FAM24B: variants seen among roughly 807,000 people sequenced by gnomAD.
FAM24B encodes the protein protein FAM24B.
In FAM24B, 3 loss-of-function variants were observed where a neutral mutation model predicts 2.3. That is an observed-to-expected ratio of 1.29 (90% CI 0.59 to 3.32). The LOEUF (loss-of-function observed/expected upper bound fraction) is 3.32, where lower values mean the gene tolerates loss of function less well. FAM24B is among the 30% of genes most tolerant of loss of function. The pLI, the probability that FAM24B is intolerant of heterozygous loss-of-function variation, is 0.03. For missense variants in FAM24B, 98 were observed against 117.2 expected (o/e 0.84, Z 0.76); for synonymous variants, 36 against 46.3 (o/e 0.78, Z 0.90).
At chr10:122,859,575 G>A (rs888643973) in intron 1 of FAM24B, among the ~76,000 whole-genome samples, 6 of 152,296 alleles carry the variant, frequency 3.9e-5, no homozygotes, top group Non-Finnish European at 8.8e-5. Context: ...AAGGTGCAAG[G>A]TTGCCAGGGT....
chr10:122,856,571 GA>G (rs1196879146), intron 1 of FAM24B, among the ~76,000 whole-genome samples: 1 of 152,128 alleles, frequency 6.6e-6, no homozygotes, highest in Non-Finnish European at 1.5e-5. Context: ...TTTGACACTG[GA>G]ACGACCAGAC....
At chr10:122,860,095 G>A (rs1232821899) in intron 1 of FAM24B, among the ~76,000 whole-genome samples, 4 of 151,908 alleles carry the variant, frequency 2.6e-5, no homozygotes, top group African/African-American at 7.3e-5. Context: ...ACAGTAGTAT[G>A]GGTTTTGACA....
intron 1 of FAM24B, among the ~76,000 whole-genome samples, chr10:122,871,976 GA>G (rs1847905056): frequency 6.6e-6 from 1 of 152,102 alleles, no homozygotes; most frequent in Admixed American, 6.5e-5. Flanking sequence ...CACAGCAAAA[GA>G]AACCACCGTC....
At chr10:122,863,847 T>G (rs1321971541) in intron 1 of FAM24B, among the ~76,000 whole-genome samples, 1 of 152,200 alleles carries the variant, frequency 6.6e-6, no homozygotes, top group Non-Finnish European at 1.5e-5. Flanking sequence ...TTAAGATCTA[T>G]GATCTAAAAA....
chr10:122,849,740 C>T (rs1197473084), intron 3 of FAM24B, among the ~76,000 whole-genome samples: 1 of 151,926 alleles, frequency 6.6e-6, no homozygotes, highest in Non-Finnish European at 1.5e-5. Context: ...CTGCATTTGG[C>T]TGTGTCCCAG....
At chr10:122,869,425 C>G (rs1158444424) in intron 1 of FAM24B, among the ~76,000 whole-genome samples, 2 of 152,154 alleles carry the variant, frequency 1.3e-5, no homozygotes, top group African/African-American at 4.8e-5. Flanking sequence ...AACTCTGCAC[C>G]AAGTGGACCT....
chr10:122,856,130 T>C (rs1317765048), intron 1 of FAM24B, among the ~76,000 whole-genome samples: 2 of 152,180 alleles, frequency 1.3e-5, no homozygotes, highest in African/African-American at 4.8e-5. Context: ...ATGCCCCTGC[T>C]GAAGCAGAGA....
intron 1 of FAM24B, among the ~76,000 whole-genome samples, chr10:122,869,504 C>T (rs1276739247): frequency 6.6e-6 from 1 of 152,220 alleles, no homozygotes; most frequent in Non-Finnish European, 1.5e-5. Flanking sequence ...CCACACCACA[C>T]CTATTCCAAA....
intron 1 of FAM24B, among the ~76,000 whole-genome samples, chr10:122,877,633 C>G (rs2133844847): frequency 6.6e-6 from 1 of 152,304 alleles, no homozygotes; most frequent in Non-Finnish European, 1.5e-5. Context: ...TCCTCTCCTC[C>G]TGCCAGCCTG....
chr10:122,855,433 G>A (rs1483672547), intron 2 of FAM24B: 1 of 152,170 alleles, frequency 6.6e-6, no homozygotes, highest in Non-Finnish European at 1.5e-5. Flanking sequence ...GCCTGTCTAG[G>A]TGATCCATGC....
chr10:122,879,104 C>T (rs1014279621), intron 1 of FAM24B, among the ~76,000 whole-genome samples: 5 of 152,168 alleles, frequency 3.3e-5, no homozygotes, highest in African/African-American at 1.2e-4. Context: ...CTCAGGCGAC[C>T]GCTCCATCCA....
chr10:122,866,629 G>A (rs1371789742), intron 1 of FAM24B, among the ~76,000 whole-genome samples: 2 of 151,910 alleles, frequency 1.3e-5, no homozygotes, highest in Non-Finnish European at 2.9e-5. Flanking sequence ...TATATGTTAT[G>A]GTGATCTGTG....
chr10:122,860,013 C>A (rs1432838741), intron 1 of FAM24B, among the ~76,000 whole-genome samples: 1 of 152,096 alleles, frequency 6.6e-6, no homozygotes, highest in Non-Finnish European at 1.5e-5. Context: ...CTGGCACAGC[C>A]CCTTCCACCA....
At chr10:122,867,340 GCCTCTGTAGGCTCCA>G (rs1847818837) in intron 1 of FAM24B, among the ~76,000 whole-genome samples, 1 of 152,220 alleles carries the variant, frequency 6.6e-6, no homozygotes, top group Non-Finnish European at 1.5e-5. Flanking sequence ...AGGCCTGCCT[GCCTCTGTAGGCTCCA>G]CCTCTGGGGG....
chr10:122,860,397 C>T (rs1252546812), intron 1 of FAM24B, among the ~76,000 whole-genome samples: 3 of 152,120 alleles, frequency 2.0e-5, no homozygotes, highest in African/African-American at 7.2e-5. Flanking sequence ...TTGACTGGAC[C>T]ACAGTTTATC....
At position 122,849,237 on chromosome 10, in the gene FAM24B, C is replaced by A; in HGVS notation, c.*10G>T. On this transcript the variant is annotated 3_prime_UTR_variant, in exon 4 of 4. Coordinates refer to ENST00000368898, the MANE Select transcript of FAM24B (RefSeq NM_152644.3). ...TGCTCATGAAGATTTTTGTGCCCAC[C>A]TTTCCTAACTCAGAGGCCCTCATTT... 6.5e-7 allele frequency: 1 copy of A among 1,527,740 alleles called. No individual in the cohort carries two copies. Among genetic ancestry groups the A allele is most frequent in the Non-Finnish European group, 8.8e-7 (1 of 1,133,436 alleles). The allele number at this position is 1,527,740 out of a possible 1,614,324, so 94.6% of individuals were successfully genotyped here.
chr10:122,865,076 T>C (rs1177323894), intron 1 of FAM24B, among the ~76,000 whole-genome samples: 2 of 152,206 alleles, frequency 1.3e-5, no homozygotes, highest in African/African-American at 2.4e-5. Flanking sequence ...GCTGGATAAA[T>C]AACTAGGAGT....
chr10:122,850,002 G>A (rs1847500637), intron 3 of FAM24B, among the ~76,000 whole-genome samples: 1 of 152,136 alleles, frequency 6.6e-6, no homozygotes, highest in Admixed American at 6.5e-5. Flanking sequence ...GGCAAGAAGA[G>A]ATCAATCCAG....
At chr10:122,872,534 C>G (rs1847913796) in intron 1 of FAM24B, among the ~76,000 whole-genome samples, 1 of 152,142 alleles carries the variant, frequency 6.6e-6, no homozygotes, top group African/African-American at 2.4e-5. Context: ...TTGGAACCAA[C>G]CCAAATGTCC....
Sources: allele counts gnomAD v4.1 joint callset (sites outside exome capture counted in the v4.1 genomes callset), GRCh38; gene constraint gnomAD v4.1.1; transcripts MANE v1.5; gene names NCBI Gene and HGNC (gene_info 2026-07-23, HGNC 2026-07-21).